SEM1: variants seen among roughly 807,000 people sequenced by gnomAD.
The protein encoded by SEM1 is SEM1 26S proteasome subunit.
SEM1 carries 3 observed loss-of-function variants against 12.7 expected under a neutral mutation model. That is an observed-to-expected ratio of 0.24 (90% CI 0.11 to 0.61). The LOEUF (loss-of-function observed/expected upper bound fraction) is 0.61. Among genes scored for constraint, SEM1 ranks in the 20% least tolerant of loss-of-function variants. The probability of loss-of-function intolerance (pLI) is 0.88; values close to 1 mark genes in which losing one functional copy is unlikely to be tolerated. For missense variants in SEM1, 59 were observed against 81.3 expected, an observed-to-expected ratio of 0.73 and a Z score of 1.06; for synonymous variants, 30 against 27.8, an observed-to-expected ratio of 1.08 and a Z score of -0.25.
intron 2 of SEM1, among the ~76,000 whole-genome samples, chr7:96,625,219 A>G (rs1367584943): frequency 6.6e-6 from 1 of 152,154 alleles, no homozygotes; most frequent in African/African-American, 2.4e-5. Flanking sequence ...TCAGGGTGCC[A>G]GCGCATCTAC....
At chr7:96,683,515 C>T (rs1196447824) in intron 2 of SEM1, among the ~76,000 whole-genome samples, 3 of 152,076 alleles carry the variant, frequency 2.0e-5, no homozygotes, top group Non-Finnish European at 4.4e-5. Context: ...ACCATTTGGC[C>T]CAGCAATCCC....
chr7:96,525,266 T>A (rs1804414773), intron 2 of SEM1, among the ~76,000 whole-genome samples: 1 of 152,024 alleles, frequency 6.6e-6, no homozygotes, highest in Non-Finnish European at 1.5e-5. Flanking sequence ...ACTCCTTTTT[T>A]TTTTTTTGGT....
At chr7:96,494,908 G>A (rs1584705538) in intron 1 of SEM1, among the ~76,000 whole-genome samples, 1 of 118,518 alleles carries the variant, frequency 8.4e-6, no homozygotes, top group East Asian at 2.5e-4. Context: ...AGAGCAAGAG[G>A]GAAAGAGAGA....
chr7:96,709,337 CAAAAA>C (rs1344045331), intron 1 of SEM1, among the ~76,000 whole-genome samples: 1 of 152,058 alleles, frequency 6.6e-6, no homozygotes, highest in Non-Finnish European at 1.5e-5. Context: ...ACTGCTAAAA[CAAAAA>C]GAAAAGGAGG....
intron 2 of SEM1, among the ~76,000 whole-genome samples, chr7:96,548,160 T>G (rs530452089): frequency 9.2e-5 from 14 of 152,134 alleles, no homozygotes; most frequent in Non-Finnish European, 1.6e-4. Flanking sequence ...ATAATATGCT[T>G]TGGATTTTCC....
chr7:96,490,443 G>C (rs1295138651), intron 1 of SEM1, among the ~76,000 whole-genome samples: 9 of 152,126 alleles, frequency 5.9e-5, no homozygotes, highest in African/African-American at 2.2e-4. Context: ...CAATGTTTTT[G>C]AACTTCCCAT....
chr7:96,585,504 A>G (rs7790239), intron 2 of SEM1, among the ~76,000 whole-genome samples: 143,509 of 152,326 alleles, frequency 0.94, 68,171 homozygotes, highest in East Asian at 1. Flanking sequence ...CCCAGTTGGA[A>G]CTTGCCAGCT....
At chr7:96,495,692 C>A (rs1803214994) in intron 1 of SEM1, among the ~76,000 whole-genome samples, 1 of 152,138 alleles carries the variant, frequency 6.6e-6, no homozygotes, top group African/African-American at 2.4e-5. Context: ...ATCTTCCTTT[C>A]CCCTCTTCCA....
chr7:96,630,240 G>A (rs62470366), intron 2 of SEM1, among the ~76,000 whole-genome samples: 16,422 of 152,202 alleles, frequency 0.11, 1,117 homozygotes, highest in East Asian at 0.15. Context: ...CACTCCCCAC[G>A]CAGGTCCAGA....
chr7:96,489,318 C>G (rs998375201), intron 1 of SEM1, among the ~76,000 whole-genome samples: 7 of 152,102 alleles, frequency 4.6e-5, no homozygotes, highest in African/African-American at 1.7e-4. Flanking sequence ...TCAGAATGAC[C>G]TGGAGTGCTT....
At chr7:96,588,363 C>T (rs1483191060) in intron 2 of SEM1, among the ~76,000 whole-genome samples, 1 of 23,992 alleles carries the variant, frequency 4.2e-5, no homozygotes, top group Non-Finnish European at 1.4e-4. Context: ...AACACACACA[C>T]ACACACACAC....
chr7:96,709,284 C>G (rs1335473640), intron 1 of SEM1, among the ~76,000 whole-genome samples: 1 of 152,196 alleles, frequency 6.6e-6, no homozygotes, highest in African/African-American at 2.4e-5. Context: ...ATTGGCGTAA[C>G]TACTGACAAT....
At chr7:96,691,156 AC>A (rs1412447664) in intron 2 of SEM1, among the ~76,000 whole-genome samples, 1 of 152,204 alleles carries the variant, frequency 6.6e-6, no homozygotes, top group African/African-American at 2.4e-5. Flanking sequence ...TAATACATAA[AC>A]AAATGATATC....
chr7:96,542,699 T>C (rs1420023741), intron 2 of SEM1, among the ~76,000 whole-genome samples: 1 of 151,880 alleles, frequency 6.6e-6, no homozygotes, highest in African/African-American at 2.4e-5. Context: ...AAAACACACA[T>C]GGTAATATTT....
rs188132924 is a variant in SEM1, at chr7:96,591,148, A to C, written c.171-84450T>G. ...CCCCCTTTTGTTTTTCATGGCTTTT[A>C]ATCTTAATTTTCTCTAACTACACAA... On this transcript the variant is annotated intron_variant and NMD_transcript_variant, in intron 2 of 3. Coordinates refer to the SEM1 transcript ENST00000466986. Among the ~76,000 whole-genome samples the C allele has an allele frequency of 3.9e-3, 594 of 152,210 alleles. 3 individuals are homozygous for C. The highest frequency in any genetic ancestry group is 0.014 in the African/African-American group (562 of 41,536).
intron 2 of SEM1, among the ~76,000 whole-genome samples, chr7:96,586,944 A>C (rs954410741): frequency 3.3e-5 from 5 of 152,192 alleles, no homozygotes; most frequent in Admixed American, 6.5e-5. Context: ...GCCCATTACA[A>C]GTGCATTATG....
At chr7:96,637,698 C>T (rs1584823900) in intron 2 of SEM1, among the ~76,000 whole-genome samples, 1 of 152,112 alleles carries the variant, frequency 6.6e-6, no homozygotes, top group Admixed American at 6.6e-5. Context: ...TATCCAATGG[C>T]TGCCCTTTAG....
chr7:96,528,600 T>A (rs1282674871), intron 2 of SEM1, among the ~76,000 whole-genome samples: 1 of 152,168 alleles, frequency 6.6e-6, no homozygotes, highest in African/African-American at 2.4e-5. Context: ...CTACAAAATT[T>A]GTGCAAGACA....
chr7:96,531,497 A>G (rs1015877947), intron 2 of SEM1, among the ~76,000 whole-genome samples: 13 of 151,624 alleles, frequency 8.6e-5, no homozygotes, highest in Admixed American at 3.9e-4. Context: ...CCTCCCAGCT[A>G]CTCAGAAGGC....
Sources: allele counts gnomAD v4.1 joint callset (sites outside exome capture counted in the v4.1 genomes callset), GRCh38; gene constraint gnomAD v4.1.1; transcripts MANE v1.5; gene names NCBI Gene and HGNC (gene_info 2026-07-23, HGNC 2026-07-21).